Variants in DLGAP2 observed in about 807,000 individuals in gnomAD.
DLGAP2 encodes the protein disks large-associated protein 2.
A neutral mutation model predicts 100.3 loss-of-function variants in DLGAP2; 26 were observed. That is an observed-to-expected ratio of 0.26 (90% CI 0.19 to 0.36). The LOEUF is 0.36. DLGAP2 is among the 10% of genes least tolerant of loss of function. The probability of loss-of-function intolerance (pLI) is 1.00; values close to 1 mark genes in which losing one functional copy is unlikely to be tolerated. For synonymous variants in DLGAP2, 886 were observed against 630.1 expected (o/e 1.41, Z -6.08); for missense variants, 1,858 against 1,453.2 (o/e 1.28, Z -4.53).
Position 1,596,192 on chromosome 8 carries a change from G to T in DLGAP2, c.1442+30298G>T, listed in dbSNP as rs192460513. On this transcript the variant is annotated intron_variant, in intron 6 of 14. Transcript: ENST00000637795. ...CCAGCTTCATCCATGTCCCTGCAAA[G>T]AACATGAACTCATCCTTTTTTATGG... is the stretch of plus-strand genomic sequence containing the variant. Among the ~76,000 whole-genome samples, 447 of 152,282 alleles carry T rather than the reference G, an allele frequency of 2.9e-3. 2 individuals are homozygous for T. The highest frequency in any genetic ancestry group is 5.3e-3 in the Non-Finnish European group (362 of 68,026).
At chr8:848,848 G>GTGTTCCAGCATAGGATCGCGCGGTGTC (rs1797120617) in intron 1 of DLGAP2, among the ~76,000 whole-genome samples, 1 of 146,344 alleles carries the variant, frequency 6.8e-6, no homozygotes, top group African/African-American at 2.5e-5. Flanking sequence ...CTTGTGATGT[G>GTGTTCCAGCATAGGATCGCGCGGTGTC]TGTTCCAGCA....
intron 4 of DLGAP2, among the ~76,000 whole-genome samples, chr8:1,534,783 C>CGT (rs757435405): frequency 6.8e-6 from 1 of 148,128 alleles, no homozygotes; most frequent in African/African-American, 2.4e-5. Flanking sequence ...TGCACGTGTA[C>CGT]GTGTGTGAGT....
intron 2 of DLGAP2, among the ~76,000 whole-genome samples, chr8:915,854 G>A (rs1343004278): frequency 6.8e-6 from 1 of 147,508 alleles, no homozygotes; most frequent in Non-Finnish European, 1.5e-5. Flanking sequence ...CCGTCCATCA[G>A]TTCACCCGTC....
chr8:1,193,930 C>T (rs17815788), intron 2 of DLGAP2, among the ~76,000 whole-genome samples: 30,112 of 152,086 alleles, frequency 0.2, 3,092 homozygotes, highest in Middle Eastern at 0.38. Flanking sequence ...GGGACGTTTT[C>T]GTTCTCAGTA....
chr8:1,586,206 C>G (rs901675868), intron 6 of DLGAP2, among the ~76,000 whole-genome samples: 1 of 152,220 alleles, frequency 6.6e-6, no homozygotes, highest in African/African-American at 2.4e-5. Context: ...GCTGAGGTGT[C>G]GGCCGTTGGC....
At chr8:1,149,842 A>C (rs1796668206) in intron 2 of DLGAP2, among the ~76,000 whole-genome samples, 1 of 152,152 alleles carries the variant, frequency 6.6e-6, no homozygotes, top group Non-Finnish European at 1.5e-5. Flanking sequence ...CCTGAGGATC[A>C]CCACAGTCAT....
At chr8:906,739 T>C (rs1195544684) in intron 1 of DLGAP2, among the ~76,000 whole-genome samples, 2 of 152,230 alleles carry the variant, frequency 1.3e-5, no homozygotes, top group Middle Eastern at 3.2e-3. Context: ...GTTTGTTCTC[T>C]GCCTCAGCCA....
In DLGAP2 at chr8:1,064,913, G is replaced by A. The variant is rs146877460; in HGVS notation, c.73+156947G>A. On this transcript the variant is annotated intron_variant, in intron 2 of 14. Coordinates refer to ENST00000637795, the MANE Select transcript of DLGAP2 (RefSeq NM_001346810.2). Reference sequence around the variant, plus strand: ...AGAATCCGTTTAAGGAACAGTGAAGGGTGGGTGCATGGAAGAGCATTGCGG... The same window carrying A: ...AGAATCCGTTTAAGGAACAGTGAAGAGTGGGTGCATGGAAGAGCATTGCGG... 1.2e-3 allele frequency among the ~76,000 whole-genome samples: 184 copies of A among 152,292 alleles called. 1 individual carries two copies. The highest frequency in any genetic ancestry group is 4.2e-3 in the African/African-American group (174 of 41,562).
rs200109260 is a variant in DLGAP2 at position 910,827 on chromosome 8, C to CT, written c.73+2869dup. Among the ~76,000 whole-genome samples, 30 of 151,916 alleles carry CT rather than the reference C, an allele frequency of 2.0e-4. No homozygotes were observed. The East Asian group carries it at 2.9e-3, about 15-fold the overall frequency. On this transcript the variant is annotated intron_variant, in intron 2 of 14. Coordinates refer to ENST00000637795, the MANE Select transcript of DLGAP2 (RefSeq NM_001346810.2). ...TTGCAGGGGGTTCCGTCCTTAGCACCTTTTTTTTGGTTAGCGGGCTATAAA... is the reference window on the plus strand; with the variant it reads ...TTGCAGGGGGTTCCGTCCTTAGCACCTTTTTTTTTGGTTAGCGGGCTATAAA...
chr8:1,229,680 T>C (rs1460942815), intron 2 of DLGAP2, among the ~76,000 whole-genome samples: 2 of 152,196 alleles, frequency 1.3e-5, no homozygotes, highest in Non-Finnish European at 2.9e-5. Context: ...CACAATCAAG[T>C]AGGCTTCATT....
intron 3 of DLGAP2, among the ~76,000 whole-genome samples, chr8:1,440,412 G>A (rs898526746): frequency 6.6e-6 from 1 of 152,196 alleles, no homozygotes; most frequent in African/African-American, 2.4e-5. Flanking sequence ...AAAACCAGCT[G>A]GATGGCACAC....
intron 1 of DLGAP2, among the ~76,000 whole-genome samples, chr8:821,026 G>C (rs1235201071): frequency 6.6e-6 from 1 of 152,150 alleles, no homozygotes; most frequent in Non-Finnish European, 1.5e-5. Context: ...CACATAAAAT[G>C]TACGTTAACT....
chr8:759,126 A>G (rs1585832315), intron 1 of DLGAP2, among the ~76,000 whole-genome samples: 1 of 67,460 alleles, frequency 1.5e-5, no homozygotes, highest in African/African-American at 3.9e-5. Flanking sequence ...CCCATTATCA[A>G]TACCCCTGAC....
intron 3 of DLGAP2, among the ~76,000 whole-genome samples, chr8:1,428,873 G>A (rs1270218381): frequency 1.3e-5 from 2 of 152,210 alleles, no homozygotes; most frequent in African/African-American, 4.8e-5. Flanking sequence ...CCAGCTAGGT[G>A]ACTCCCATGC....
At chr8:1,431,255 T>C (rs1335461507) in intron 3 of DLGAP2, among the ~76,000 whole-genome samples, 2 of 152,252 alleles carry the variant, frequency 1.3e-5, no homozygotes, top group East Asian at 1.9e-4. Context: ...AGAATCATTA[T>C]GTGTAAGTCC....
chr8:1,206,124 G>A (rs1797984332), intron 2 of DLGAP2, among the ~76,000 whole-genome samples: 1 of 152,216 alleles, frequency 6.6e-6, no homozygotes, highest in African/African-American at 2.4e-5. Context: ...TGATGTTACT[G>A]TGAGCTGCTC....
intron 2 of DLGAP2, among the ~76,000 whole-genome samples, chr8:980,509 G>T (rs187856825): frequency 1.6e-3 from 248 of 152,316 alleles, no homozygotes; most frequent in Non-Finnish European, 2.1e-3. Flanking sequence ...AGCAGGGATT[G>T]GGAACTGTGA....
intron 5 of DLGAP2, among the ~76,000 whole-genome samples, chr8:1,552,751 G>T (rs1801812253): frequency 6.6e-6 from 1 of 152,234 alleles, no homozygotes. Flanking sequence ...AGGAGCACTT[G>T]CAGCTGAACG....
At chr8:1,135,504 T>G (rs1024492972) in intron 2 of DLGAP2, among the ~76,000 whole-genome samples, 1 of 5,910 alleles carries the variant, frequency 1.7e-4, no homozygotes, top group African/African-American at 5.8e-4. Flanking sequence ...TTTTTGTGGG[T>G]TTTTTTTTTT....
Sources: gnomAD v4.1 joint callset for allele counts (sites outside exome capture counted in the v4.1 genomes callset) on GRCh38, gnomAD v4.1.1 for gene constraint, MANE v1.5 for transcripts, NCBI Gene and HGNC (gene_info 2026-07-23, HGNC 2026-07-21) for gene names.